Variants in THAP11 observed in about 807,000 individuals in gnomAD.
The protein encoded by THAP11 is THAP domain containing 11.
THAP11 carries 8 observed loss-of-function variants against 24.1 expected under a neutral mutation model. The ratio of observed to expected loss-of-function variants is 0.33; its 90% CI spans 0.20 to 0.60. The LOEUF (loss-of-function observed/expected upper bound fraction) is 0.60. Among genes scored for constraint, THAP11 ranks in the 20% least tolerant of loss-of-function variants. The pLI is 0.82. For synonymous variants in THAP11, 222 were observed against 180.2 expected (o/e 1.23, Z -1.86); for missense variants, 276 against 418.4 (o/e 0.66, Z 2.97).
Position 67,842,507 on chromosome 16 carries a change from G to A in THAP11, c.-48G>A. 7.0e-7 allele frequency: 1 copy of A among 1,426,210 alleles called. No individual in the cohort carries two copies. Among genetic ancestry groups the A allele is most frequent in the South Asian group, 1.5e-5 (1 of 67,268 alleles). 88.3% of individuals were successfully genotyped at this position (1,426,210 alleles called of 1,614,324 possible). A position where few individuals can be genotyped will look rare whatever the true frequency, so the allele number is the denominator to read the frequency against. On this transcript the variant is annotated 5_prime_UTR_variant, in exon 1 of 1. Coordinates refer to ENST00000303596, the MANE Select transcript of THAP11 (RefSeq NM_020457.3). The surrounding 1 kb of genome is among the most constrained non-coding windows in gnomAD (Gnocchi z 4.9). ...GCGGCGGCGTAGCCACTGGGCCGTC[G>A]AAGAGCGCAGGAGGCCGGTGGGCCG...
chr16:67,842,540 C>G lies in THAP11; in HGVS notation c.-15C>G. On this transcript the variant is annotated 5_prime_UTR_variant, in exon 1 of 1. Coordinates refer to ENST00000303596, the MANE Select transcript of THAP11 (RefSeq NM_020457.3). This position sits in a 1 kb window ranked among gnomAD's most constrained non-coding sequence, Gnocchi z 4.9. ...CAGGAGGCCGGTGGGCCGGGCCGGG[C>G]CGCGCGGCGCAGCCATGCCTGGCTT... 1 of 1,495,606 alleles carries G rather than the reference C, an allele frequency of 6.7e-7. No homozygotes were observed. The highest frequency in any genetic ancestry group is 8.9e-7 in the Non-Finnish European group (1 of 1,119,256). 92.6% of individuals were successfully genotyped at this position (1,495,606 alleles called of 1,614,324 possible).
rs1567374221 is a variant in THAP11, at chr16:67,842,869, G to A, written c.315G>A (p.Gln105=). The A allele has an allele frequency of 1.2e-6, 2 of 1,604,540 alleles. No homozygotes were observed. Among genetic ancestry groups the A allele is most frequent in the East Asian group, 2.2e-5 (1 of 44,804 alleles). ...AGAAAARRRQ[Q]QQQQQQQQQQ... ...CCGCGGCCGCCCGCCGCAGGCAGCA[G>A]CAGCAACAGCAGCAGCAGCAGCAAC... Residue 105 remains glutamine, a synonymous_variant, in exon 1 of 1, where the codon CAG becomes CAA. Coordinates refer to ENST00000303596, the MANE Select transcript of THAP11 (RefSeq NM_020457.3). This position sits in a 1 kb window ranked among gnomAD's most constrained non-coding sequence, Gnocchi z 4.9.
At position 67,843,401 on chromosome 16, in the gene THAP11, C is replaced by T; in HGVS notation, c.847C>T (p.Arg283Cys). 6.2e-7 allele frequency: 1 copy of T among 1,614,034 alleles called. No individual in the cohort carries two copies. The highest frequency in any genetic ancestry group is 8.5e-7 in the Non-Finnish European group (1 of 1,180,036). Reference protein sequence around the residue: ...VKMKEMKGSIRHLRLTEAKLR... With the variant: ...VKMKEMKGSICHLRLTEAKLR... ...GATGAAAGAGATGAAAGGCAGCATT[C>T]GCCACCTGCGTCTCACTGAGGCCAA... Residue 283 changes from arginine (R) to cysteine (C), a missense_variant, in exon 1 of 1, where the codon CGC becomes TGC. Arg to Cys is a radical substitution (Grantham distance 180, BLOSUM62 -3). This residue lies in a region of THAP11 where 38 missense variants were observed against 95.9 expected (regional missense o/e 0.40). Transcript: ENST00000303596. This position sits in a 1 kb window ranked among gnomAD's most constrained non-coding sequence, Gnocchi z 5.7.
chr16:67,843,205 G>C lies in THAP11; in HGVS notation c.651G>C (p.Gly217=). The change falls in exon 1 of 1, where the codon GGG becomes GGC. Residue 217 remains glycine (G), a synonymous_variant. Coordinates refer to ENST00000303596, the MANE Select transcript of THAP11 (RefSeq NM_020457.3). The surrounding 1 kb of genome is among the most constrained non-coding windows in gnomAD (Gnocchi z 5.7). ...CGGAGTTACAGGCTGCTACCGCAGG[G>C]CTGGAGGCTGCCGAGTGCCCTATGG... ...AASELQAATA[G]LEAAECPMGP... is the part of the protein sequence containing the mutation. 6.2e-7 allele frequency: 1 copy of C among 1,611,620 alleles called. No homozygotes were observed. Among genetic ancestry groups the C allele is most frequent in the Non-Finnish European group, 8.5e-7 (1 of 1,179,716 alleles).
Position 67,843,631 on chromosome 16 carries a change from C to A in THAP11, c.*132C>A. ...GGCTTAAGGCAGCTGGACTCTCTTG[C>A]TGGTGACCTGGCATCCTCAATTGTT... On this transcript the variant is annotated 3_prime_UTR_variant, in exon 1 of 1. Coordinates refer to ENST00000303596, the MANE Select transcript of THAP11 (RefSeq NM_020457.3). This position sits in a 1 kb window ranked among gnomAD's most constrained non-coding sequence, Gnocchi z 5.7. 1 of 889,108 alleles carries A rather than the reference C, an allele frequency of 1.1e-6. No individual in the cohort carries two copies. Among genetic ancestry groups the A allele is most frequent in the Non-Finnish European group, 1.7e-6 (1 of 591,748 alleles). The allele number at this position is 889,108 out of a possible 1,614,324, so 55.1% of individuals were successfully genotyped here. A position where few individuals can be genotyped will look rare whatever the true frequency, so the allele number is the denominator to read the frequency against.
chr16:67,843,941 T>G lies in THAP11; in HGVS notation c.*442T>G. On this transcript the variant is annotated 3_prime_UTR_variant, in exon 1 of 1. Coordinates refer to ENST00000303596, the MANE Select transcript of THAP11 (RefSeq NM_020457.3). This position sits in a 1 kb window ranked among gnomAD's most constrained non-coding sequence, Gnocchi z 5.7. ...GTTCTCCTCCTTTTCATGCTTTTCC[T>G]TCCCAGGTGCAGCCTGTGATTCTGA... 5.9e-6 allele frequency: 1 copy of G among 170,018 alleles called. No homozygotes were observed. The allele number at this position is 170,018 out of a possible 1,614,324, so 10.5% of individuals were successfully genotyped here.
rs955056927 is a variant in THAP11 at position 67,842,902 on chromosome 16, ACAGCAGCAGCAGCAG to A, written c.351_365del (p.Gln128_Gln132del). ...AGCAGCAGCAGCAGCAACAGCAGCAACAGCAGCAGCAGCAGCAACAGCAGCAGCAGCAGCAGCAGC... is the reference window on the plus strand; with the variant it reads ...AGCAGCAGCAGCAGCAACAGCAGCAACAACAGCAGCAGCAGCAGCAGCAGC... On this transcript the variant is annotated inframe_deletion, in exon 1 of 1. Transcript: ENST00000303596. This position sits in a 1 kb window ranked among gnomAD's most constrained non-coding sequence, Gnocchi z 4.9. 3 of 1,583,140 alleles carry A rather than the reference ACAGCAGCAGCAGCAG, an allele frequency of 1.9e-6. No homozygotes were observed. Among genetic ancestry groups the A allele is most frequent in the Non-Finnish European group, 2.6e-6 (3 of 1,165,824 alleles).
At position 67,842,671 on chromosome 16, in the gene THAP11, C is replaced by A; in HGVS notation, c.117C>A (p.Asn39Lys). The A allele has an allele frequency of 6.4e-7, 1 of 1,573,682 alleles. No homozygotes were observed. ...AGTTGCGGCGCCTCTGGCTCAAGAA[C>A]GTGTCGCGTGCCGGCGTCAGTGGGT... ...DAELRRLWLK[N>K]VSRAGVSGCF... Residue 39 changes from asparagine (N) to lysine (K), a missense_variant, in exon 1 of 1, where the codon AAC (asparagine) becomes AAA (lysine). Asn to Lys is a moderately conservative substitution (Grantham distance 94). This residue lies in a region of THAP11 where 28 missense variants were observed against 119.1 expected (regional missense o/e 0.24). Coordinates refer to ENST00000303596, the MANE Select transcript of THAP11 (RefSeq NM_020457.3). The surrounding 1 kb of genome is among the most constrained non-coding windows in gnomAD (Gnocchi z 4.9).
Position 67,842,404 on chromosome 16 carries a change from C to G in THAP11, c.-151C>G. The G allele has an allele frequency of 2.4e-6, 1 of 423,398 alleles. No homozygotes were observed. Among genetic ancestry groups the G allele is most frequent in the Non-Finnish European group, 3.5e-6 (1 of 283,778 alleles). 26.2% of individuals were successfully genotyped at this position (423,398 alleles called of 1,614,324 possible). ...GAAGCGTATTCTGGGCACGGGGCGC[C>G]GGGCGGGCCGGCTGCGCCGAGCGGC... On this transcript the variant is annotated 5_prime_UTR_variant, in exon 1 of 1. Coordinates refer to ENST00000303596, the MANE Select transcript of THAP11 (RefSeq NM_020457.3). The surrounding 1 kb of genome is among the most constrained non-coding windows in gnomAD (Gnocchi z 4.9).
rs763359050 is a variant in THAP11, at chr16:67,843,726, C to T, written c.*227C>T. 12 of 504,432 alleles carry T rather than the reference C, an allele frequency of 2.4e-5. No homozygotes were observed. Among genetic ancestry groups the T allele is most frequent in the Non-Finnish European group, 4.3e-5 (12 of 277,308 alleles). 31.2% of individuals were successfully genotyped at this position (504,432 alleles called of 1,614,324 possible). A position where few individuals can be genotyped will look rare whatever the true frequency, so the allele number is the denominator to read the frequency against. On this transcript the variant is annotated 3_prime_UTR_variant, in exon 1 of 1. Coordinates refer to ENST00000303596, the MANE Select transcript of THAP11 (RefSeq NM_020457.3). The surrounding 1 kb of genome is among the most constrained non-coding windows in gnomAD (Gnocchi z 5.7). ...CACCAGCAATTATGACTTTGTCTAC[C>T]CTTCCTCCCCAGTTATTGTTGCAGA... is the stretch of plus-strand genomic sequence containing the variant.
chr16:67,843,157 C>T lies in THAP11; in HGVS notation c.603C>T (p.Gly201=), dbSNP rs1419514237. ...AAGTGGAGTTTGCAGCCGCAGAGGG[C>T]GCAGCCGCTGCGGCCGCCGCGTCGG... ...TVQVEFAAAE[G]AAAAAAASEL... Residue 201 remains glycine, a synonymous_variant, in exon 1 of 1, where the codon GGC becomes GGT. Coordinates refer to ENST00000303596, the MANE Select transcript of THAP11 (RefSeq NM_020457.3). The surrounding 1 kb of genome is among the most constrained non-coding windows in gnomAD (Gnocchi z 5.7). 2 of 1,609,432 alleles carry T rather than the reference C, an allele frequency of 1.2e-6. No homozygotes were observed. The highest frequency in any genetic ancestry group is 1.7e-6 in the Non-Finnish European group (2 of 1,179,408).
Position 67,843,295 on chromosome 16 carries a change from C to G in THAP11, c.741C>G (p.Ser247=), listed in dbSNP as rs770973731. Residue 247 remains serine (S), a synonymous_variant, in exon 1 of 1, where the codon TCC becomes TCG. Transcript: ENST00000303596. This position sits in a 1 kb window ranked among gnomAD's most constrained non-coding sequence, Gnocchi z 5.7. ...FPDTGSDHSY[S]LSSGTTEEEL... Reference sequence around the variant, plus strand: ...ATACTGGCTCCGACCATTCGTACTCCTTGTCGTCAGGCACCACGGAGGAGG... The same window carrying G: ...ATACTGGCTCCGACCATTCGTACTCGTTGTCGTCAGGCACCACGGAGGAGG... 8.1e-6 allele frequency: 13 copies of G among 1,613,864 alleles called. No individual in the cohort carries two copies. The highest frequency in any genetic ancestry group is 1.0e-5 in the Non-Finnish European group (12 of 1,180,006).
At position 67,842,973 on chromosome 16, in the gene THAP11, C is replaced by A. The variant is rs747690176; in HGVS notation, c.419C>A (p.Ala140Asp). 1 of 1,609,696 alleles carries A rather than the reference C, an allele frequency of 6.2e-7. No individual in the cohort carries two copies. The highest frequency in any genetic ancestry group is 8.5e-7 in the Non-Finnish European group (1 of 1,178,746). The part of the protein sequence containing the change: ...QQQSSPSAST[A>D]QTAQLQPNLV... ...CAGTCCTCACCCTCTGCCTCCACTGCCCAGACTGCCCAGCTGCAGCCGAAC... is the reference window on the plus strand; with the variant it reads ...CAGTCCTCACCCTCTGCCTCCACTGACCAGACTGCCCAGCTGCAGCCGAAC... The change falls in exon 1 of 1, where the codon GCC becomes GAC. Residue 140 changes from alanine (A) to aspartate (D), a missense_variant. By Grantham distance (126) the Ala-to-Asp change is moderately radical (BLOSUM62 -2). This residue lies in a region of THAP11 where 210 missense variants were observed against 203.4 expected (regional missense o/e 1.03). Transcript: ENST00000303596. The surrounding 1 kb of genome is among the most constrained non-coding windows in gnomAD (Gnocchi z 4.9).
chr16:67,842,899 G>GCAA lies in THAP11; in HGVS notation c.348_350dup (p.Gln132dup), dbSNP rs765865936. The GCAA allele has an allele frequency of 2.5e-6, 4 of 1,586,586 alleles. No individual in the cohort carries two copies. Among genetic ancestry groups the GCAA allele is most frequent in the Non-Finnish European group, 3.4e-6 (4 of 1,166,500 alleles). On this transcript the variant is annotated inframe_insertion, in exon 1 of 1. Coordinates refer to ENST00000303596, the MANE Select transcript of THAP11 (RefSeq NM_020457.3). This position sits in a 1 kb window ranked among gnomAD's most constrained non-coding sequence, Gnocchi z 4.9. The stretch of plus-strand genomic sequence containing the variant: ...AACAGCAGCAGCAGCAGCAACAGCA[G>GCAA]CAACAGCAGCAGCAGCAGCAACAGC...
At position 67,843,001 on chromosome 16, in the gene THAP11, G is replaced by T. The variant is rs1370919695; in HGVS notation, c.447G>T (p.Leu149=). Reference sequence around the variant, plus strand: ...AGACTGCCCAGCTGCAGCCGAACCTGGTATCTGCTTCCGCGGCCGTGCTTC... The same window carrying T: ...AGACTGCCCAGCTGCAGCCGAACCTTGTATCTGCTTCCGCGGCCGTGCTTC... The part of the protein sequence containing the change: ...TAQTAQLQPN[L]VSASAAVLLT... The change falls in exon 1 of 1, where the codon CTG becomes CTT. Residue 149 remains leucine (L), a synonymous_variant. Transcript: ENST00000303596. The surrounding 1 kb of genome is among the most constrained non-coding windows in gnomAD (Gnocchi z 5.7). The T allele has an allele frequency of 6.2e-6, 10 of 1,612,576 alleles. No homozygotes were observed. Among genetic ancestry groups the T allele is most frequent in the African/African-American group, 1.3e-5 (1 of 75,058 alleles).
At position 67,843,008 on chromosome 16, in the gene THAP11, G is replaced by A; in HGVS notation, c.454G>A (p.Ala152Thr). The change falls in exon 1 of 1, where the codon GCT becomes ACT. Residue 152 changes from alanine (A) to threonine (T), a missense_variant. Around this residue, in one of 3 missense-constraint regions of THAP11, gnomAD observed 210 missense variants for 203.4 expected, o/e 1.03. Transcript: ENST00000303596. This position sits in a 1 kb window ranked among gnomAD's most constrained non-coding sequence, Gnocchi z 5.7. ...CCAGCTGCAGCCGAACCTGGTATCTGCTTCCGCGGCCGTGCTTCTCACCCT... is the reference window on the plus strand; with the variant it reads ...CCAGCTGCAGCCGAACCTGGTATCTACTTCCGCGGCCGTGCTTCTCACCCT... Reference protein sequence around the residue: ...TAQLQPNLVSASAAVLLTLQA... With the variant: ...TAQLQPNLVSTSAAVLLTLQA... 3 of 1,612,574 alleles carry A rather than the reference G, an allele frequency of 1.9e-6. No homozygotes were observed. Among genetic ancestry groups the A allele is most frequent in the Non-Finnish European group, 2.5e-6 (3 of 1,180,022 alleles).
chr16:67,843,691 G>T lies in THAP11; in HGVS notation c.*192G>T. 1 of 574,070 alleles carries T rather than the reference G, an allele frequency of 1.7e-6. No individual in the cohort carries two copies. Among genetic ancestry groups the T allele is most frequent in the Non-Finnish European group, 3.1e-6 (1 of 322,958 alleles). The allele number at this position is 574,070 out of a possible 1,614,324, so 35.6% of individuals were successfully genotyped here. A position where few individuals can be genotyped will look rare whatever the true frequency, so the allele number is the denominator to read the frequency against. ...AGTGGAAGCTGGGGCCTTAGACTCTGCCCTGGTGACACCAGCAATTATGAC... is the reference window on the plus strand; with the variant it reads ...AGTGGAAGCTGGGGCCTTAGACTCTTCCCTGGTGACACCAGCAATTATGAC... On this transcript the variant is annotated 3_prime_UTR_variant, in exon 1 of 1. Transcript: ENST00000303596. This position sits in a 1 kb window ranked among gnomAD's most constrained non-coding sequence, Gnocchi z 5.7.
rs113120182 is a variant in THAP11, at chr16:67,842,465, C to G, written c.-90C>G. ...TACCACCCAAGGCCTCGCGCGGCGC[C>G]GCCCGTCGAGGGGCGGGCGGCGGCG... On this transcript the variant is annotated 5_prime_UTR_variant, in exon 1 of 1. Coordinates refer to ENST00000303596, the MANE Select transcript of THAP11 (RefSeq NM_020457.3). This position sits in a 1 kb window ranked among gnomAD's most constrained non-coding sequence, Gnocchi z 4.9. The G allele has an allele frequency of 2.8e-6, 3 of 1,090,290 alleles. No individual in the cohort carries two copies. Among genetic ancestry groups the G allele is most frequent in the Non-Finnish European group, 3.5e-6 (3 of 858,086 alleles). The allele number at this position is 1,090,290 out of a possible 1,614,324, so 67.5% of individuals were successfully genotyped here.
chr16:67,842,916 AGCAACAG>A lies in THAP11; in HGVS notation c.363_369del (p.Gln121HisfsTer42), dbSNP rs747270195. 2.7e-5 allele frequency: 42 copies of A among 1,569,080 alleles called. No individual in the cohort carries two copies. Among genetic ancestry groups the A allele is most frequent in the African/African-American group, 2.0e-4 (13 of 64,178 alleles). The stretch of plus-strand genomic sequence containing the variant: ...CAACAGCAGCAACAGCAGCAGCAGC[AGCAACAG>A]CAGCAGCAGCAGCAGCAGCAGCAGC... On this transcript the variant is annotated frameshift_variant, in exon 1 of 1. Coordinates refer to ENST00000303596, the MANE Select transcript of THAP11 (RefSeq NM_020457.3). LOFTEE classifies it high-confidence loss of function. The surrounding 1 kb of genome is among the most constrained non-coding windows in gnomAD (Gnocchi z 4.9).
Sources: gnomAD v4.1 joint callset for allele counts on GRCh38, gnomAD v4.1.1 for gene constraint, gnomAD v4.1.1 regional missense constraint, Gnocchi (gnomAD v3.1) non-coding constraint, MANE v1.5 for transcripts, NCBI Gene and HGNC (gene_info 2026-07-23, HGNC 2026-07-21) for gene names.